AXDND1: variants seen among roughly 807,000 people sequenced by gnomAD.
AXDND1 encodes axonemal dynein light chain domain-containing protein 1.
AXDND1 carries 110 observed loss-of-function variants against 137.5 expected under a neutral mutation model. The observed-to-expected ratio is 0.80, with a 90% CI of 0.69 to 0.94. The LOEUF (loss-of-function observed/expected upper bound fraction) is 0.94. AXDND1 is among the 40% of genes least tolerant of loss of function. The probability of loss-of-function intolerance (pLI) is 0.00; values close to 1 mark genes in which losing one functional copy is unlikely to be tolerated. For missense variants in AXDND1, 1,191 were observed against 1,169.8 expected (o/e 1.02, Z -0.26); for synonymous variants, 414 against 399.7 (o/e 1.04, Z -0.43).
rs542030229 is a variant in AXDND1 at position 179,427,375 on chromosome 1, A to G, written c.1231-2143A>G. Among the ~76,000 whole-genome samples the G allele has an allele frequency of 5.7e-5, 5 of 87,308 alleles. No homozygotes were observed. The East Asian group carries it at 1.3e-3, about 22-fold the overall frequency. The allele number at this position is 87,308 out of a possible 152,430, so 57.3% of individuals were successfully genotyped here. On this transcript the variant is annotated intron_variant, in intron 12 of 25. Coordinates refer to ENST00000367618, the MANE Select transcript of AXDND1 (RefSeq NM_144696.6). ...GACTTTGTTTTAACAAATATATATT[A>G]ATTTTTTGACTGAATGGTAATTTTT...
intron 17 of AXDND1, among the ~76,000 whole-genome samples, chr1:179,477,164 T>C (rs113020576): frequency 2.6e-5 from 4 of 152,238 alleles, no homozygotes; most frequent in African/African-American, 7.2e-5. Flanking sequence ...TATTGTTCTT[T>C]TTCACTCTAA....
chr1:179,462,672 G>T (rs1662527614), intron 16 of AXDND1, among the ~76,000 whole-genome samples: 1 of 152,120 alleles, frequency 6.6e-6, no homozygotes, highest in African/African-American at 2.4e-5. Context: ...AATCTGTCTG[G>T]TCCTGGTTGG....
At chr1:179,368,703 T>C in intron 2 of AXDND1, 97 bp from the exon 3 acceptor site, 1 of 945,950 alleles carries the variant, frequency 1.1e-6, no homozygotes, top group Non-Finnish European at 1.6e-6. Context: ...TGTTTCTCTC[T>C]GTTAGAAACA....
At chr1:179,406,216 A>G (rs1238651574) in intron 11 of AXDND1, among the ~76,000 whole-genome samples, 1 of 152,206 alleles carries the variant, frequency 6.6e-6, no homozygotes, top group Non-Finnish European at 1.5e-5. Flanking sequence ...GTGGTCCAAG[A>G]AGATACTTGA....
intron 15 of AXDND1, among the ~76,000 whole-genome samples, chr1:179,433,640 C>T (rs1657710432): frequency 6.6e-6 from 1 of 152,176 alleles, no homozygotes; most frequent in Non-Finnish European, 1.5e-5. Flanking sequence ...CATTCAGGAG[C>T]AGGTTGTTCA....
At chr1:179,435,681 TA>T (rs1164523091) in intron 15 of AXDND1, among the ~76,000 whole-genome samples, 1 of 152,096 alleles carries the variant, frequency 6.6e-6, no homozygotes, top group Non-Finnish European at 1.5e-5. Flanking sequence ...ACATCTTATA[TA>T]AAAATTTACT....
chr1:179,465,659 G>T (rs1663040070), intron 16 of AXDND1, among the ~76,000 whole-genome samples: 1 of 152,174 alleles, frequency 6.6e-6, no homozygotes, highest in South Asian at 2.1e-4. Flanking sequence ...TGTCAGCCAG[G>T]GATGTTTAAG....
At chr1:179,388,688 A>G (rs917319105) in intron 9 of AXDND1, among the ~76,000 whole-genome samples, 10 of 151,802 alleles carry the variant, frequency 6.6e-5, no homozygotes, top group African/African-American at 2.4e-4. Flanking sequence ...CTCGGGTTCA[A>G]GTGATTCTTG....
chr1:179,552,750 C>T, intron 25 of AXDND1: 5 of 1,191,702 alleles, frequency 4.2e-6, no homozygotes, highest in Non-Finnish European at 6.2e-6. Context: ...TTCACACAGA[C>T]TTGCAAGCCT....
At chr1:179,497,865 A>G (rs1396391832) in intron 20 of AXDND1, among the ~76,000 whole-genome samples, 1 of 152,168 alleles carries the variant, frequency 6.6e-6, no homozygotes, top group Non-Finnish European at 1.5e-5. Context: ...TACACCAATA[A>G]TGTCCAGGCT....
At chr1:179,472,186 C>A (rs772541229) in intron 17 of AXDND1, among the ~76,000 whole-genome samples, 1 of 152,164 alleles carries the variant, frequency 6.6e-6, no homozygotes, top group Admixed American at 6.6e-5. Context: ...TGAGCCACTG[C>A]GCCCGGACTA....
At position 179,529,425 on chromosome 1, in the gene AXDND1, G is replaced by C. The variant is rs1441292672; in HGVS notation, c.2715+994G>C. 3.3e-5 allele frequency among the ~76,000 whole-genome samples: 5 copies of C among 152,202 alleles called. No individual in the cohort carries two copies. In the East Asian group the frequency reaches 9.6e-4, roughly 29 times the overall value. Reference sequence around the variant, plus strand: ...GGCAAATTGATTAATAGGAGAAAAGGCATATAAATTTGTTTAACATGTGTA... The same window carrying C: ...GGCAAATTGATTAATAGGAGAAAAGCCATATAAATTTGTTTAACATGTGTA... On this transcript the variant is annotated intron_variant, in intron 23 of 25. Transcript: ENST00000367618.
chr1:179,457,129 A>G, intron 16 of AXDND1: 1 of 988,840 alleles, frequency 1.0e-6, no homozygotes, highest in Non-Finnish European at 1.6e-6. Flanking sequence ...TCATGGCTGC[A>G]TCCACCTTCT....
chr1:179,520,697 A>C (rs1669969614), intron 21 of AXDND1, among the ~76,000 whole-genome samples: 1 of 151,804 alleles, frequency 6.6e-6, no homozygotes, highest in African/African-American at 2.4e-5. Flanking sequence ...TGTATTATCC[A>C]AGAATATGGA....
In AXDND1 at chr1:179,483,203, C is replaced by A. The variant is rs1223821183; in HGVS notation, c.2073C>A (p.Asn691Lys). The A allele has an allele frequency of 6.2e-7, 1 of 1,608,776 alleles. No homozygotes were observed. The highest frequency in any genetic ancestry group is 1.3e-5 in the African/African-American group (1 of 74,822). ...LKIGNEINNGNIELQHHMDEL... is the reference protein window; with the variant it reads ...LKIGNEINNGKIELQHHMDEL... ...TAGGCAATGAAATTAACAACGGTAA[C>A]ATTGAACTTCAGCACCACGTATGTA... Residue 691 changes from asparagine to lysine, a missense_variant, in exon 18 of 26, where the codon AAC becomes AAA. By Grantham distance (94) the Asn-to-Lys change is moderately conservative. Transcript: ENST00000367618.
intron 16 of AXDND1, among the ~76,000 whole-genome samples, chr1:179,461,724 TG>T (rs1398958379): frequency 6.6e-6 from 1 of 152,156 alleles, no homozygotes; most frequent in Non-Finnish European, 1.5e-5. Flanking sequence ...TCTTTTATTT[TG>T]TTGAGCAGAG....
intron 12 of AXDND1, among the ~76,000 whole-genome samples, chr1:179,424,126 A>G (rs973200581): frequency 6.9e-6 from 1 of 145,904 alleles, no homozygotes; most frequent in Non-Finnish European, 1.5e-5. Context: ...ACTCTTGGAT[A>G]GCAGGGTTTT....
chr1:179,536,014 T>C (rs577314961), intron 25 of AXDND1, among the ~76,000 whole-genome samples: 1 of 152,388 alleles, frequency 6.6e-6, no homozygotes, highest in East Asian at 1.9e-4. Flanking sequence ...GCTGCATAAA[T>C]GTCTTCTTTT....
At chr1:179,485,725 G>A (rs1238140011) in intron 18 of AXDND1, among the ~76,000 whole-genome samples, 5 of 136,324 alleles carry the variant, frequency 3.7e-5, no homozygotes, top group African/African-American at 1.3e-4. Context: ...AATATGTATA[G>A]GAACAAAGAT....
Sources: allele counts gnomAD v4.1 joint callset (sites outside exome capture counted in the v4.1 genomes callset), GRCh38; gene constraint gnomAD v4.1.1; transcripts MANE v1.5; gene names NCBI Gene and HGNC (gene_info 2026-07-23, HGNC 2026-07-21).